The following LRRC18 variants were observed in gnomAD, a reference collection of about 807,000 sequenced individuals.
The protein encoded by LRRC18 is leucine-rich repeat-containing protein 18.
Under a neutral mutation model 11.2 loss-of-function variants are expected in LRRC18, and 12 were observed. That is an observed-to-expected ratio of 1.07 (90% CI 0.69 to 1.74). The LOEUF (loss-of-function observed/expected upper bound fraction) is 1.74, where lower values mean the gene tolerates loss of function less well. Ranked by LOEUF, LRRC18 falls within the 40% of genes most tolerant of loss-of-function variation. The pLI is 0.00. For missense variants in LRRC18, 374 were observed against 330.5 expected (o/e 1.13, Z -1.02); for synonymous variants, 155 against 130.6 (o/e 1.19, Z -1.27).
At chr10:48,939,767 C>T in the LRRC18 span, among the ~76,000 whole-genome samples, 116 of 152,314 alleles carry the variant, frequency 7.6e-4, no homozygotes, top group Middle Eastern at 3.4e-3. Flanking sequence ...TGTCCTGGAA[C>T]TGCTGGTAAT....
At chr10:48,923,947 A>C in the LRRC18 span, among the ~76,000 whole-genome samples, 1 of 152,288 alleles carries the variant, frequency 6.6e-6, no homozygotes, top group East Asian at 1.9e-4. Context: ...CCGGTTGCCC[A>C]CAGCCCACCC....
chr10:48,939,796 T>C, the LRRC18 span, among the ~76,000 whole-genome samples: 192 of 152,326 alleles, frequency 1.3e-3, no homozygotes, highest in African/African-American at 4.2e-3. Context: ...TCTCTGATGG[T>C]ACCAGAAATA....
At chr10:48,915,940 T>C (rs1318158925), upstream of LRRC18, among the ~76,000 whole-genome samples, 2 of 152,214 alleles carry the variant, frequency 1.3e-5, no homozygotes, top group Non-Finnish European at 2.9e-5. Flanking sequence ...CTGAACTGTC[T>C]ATATCATTCA....
chr10:48,933,546 A>G, the LRRC18 span, among the ~76,000 whole-genome samples: 3 of 152,224 alleles, frequency 2.0e-5, no homozygotes, highest in African/African-American at 7.2e-5. Flanking sequence ...GAGCTGAGCT[A>G]GATCCTGTGG....
chr10:48,922,195 C>T, the LRRC18 span, among the ~76,000 whole-genome samples: 2 of 152,190 alleles, frequency 1.3e-5, no homozygotes, highest in African/African-American at 4.8e-5. Flanking sequence ...GAAATTCATA[C>T]ATTTTGAATT....
chr10:48,920,491 AT>A, the LRRC18 span, among the ~76,000 whole-genome samples: 1 of 152,220 alleles, frequency 6.6e-6, no homozygotes, highest in Admixed American at 6.5e-5. Context: ...CGTTGTGCAC[AT>A]ATACCCTAAA....
At chr10:48,919,442 A>T in the LRRC18 span, among the ~76,000 whole-genome samples, 1 of 152,228 alleles carries the variant, frequency 6.6e-6, no homozygotes, top group African/African-American at 2.4e-5. Context: ...TTATTGTTAA[A>T]TTCTATCAAA....
At chr10:48,928,657 T>C in the LRRC18 span, among the ~76,000 whole-genome samples, 1 of 152,192 alleles carries the variant, frequency 6.6e-6, no homozygotes, top group Non-Finnish European at 1.5e-5. Flanking sequence ...TGGAATTCTT[T>C]CTGCACTTCA....
At position 48,912,105 on chromosome 10, in the gene LRRC18, C is replaced by T. The variant is rs184980464; in HGVS notation, c.764+1287G>A. ...CATTCTTGATCTTTTCTTTTACCCA[C>T]ATGAAGGTGTGAGAGTGTGGTACAC... On this transcript the variant is annotated intron_variant, in intron 1 of 1. Coordinates refer to ENST00000374160, the Ensembl canonical transcript of LRRC18. 7.9e-4 allele frequency among the ~76,000 whole-genome samples: 120 copies of T among 152,348 alleles called. 1 individual carries two copies. In the East Asian group the frequency reaches 0.017, roughly 21 times the overall value.
At chr10:48,939,688 G>A in the LRRC18 span, among the ~76,000 whole-genome samples, 1 of 152,190 alleles carries the variant, frequency 6.6e-6, no homozygotes, top group African/African-American at 2.4e-5. Flanking sequence ...TAAGAGTTCT[G>A]TAATCACCTT....
chr10:48,911,403 A>T (rs927824365), intron 1 of LRRC18, among the ~76,000 whole-genome samples: 1 of 152,266 alleles, frequency 6.6e-6, no homozygotes, highest in Non-Finnish European at 1.5e-5. Flanking sequence ...ACCCTTTAAC[A>T]CAATATTTCC....
chr10:48,912,340 C>T (rs1838082288), intron 1 of LRRC18, among the ~76,000 whole-genome samples: 1 of 152,222 alleles, frequency 6.6e-6, no homozygotes, highest in African/African-American at 2.4e-5. Context: ...ACTTGGAGTT[C>T]AGTGTGGCAT....
chr10:48,925,059 A>G, the LRRC18 span, among the ~76,000 whole-genome samples: 9 of 152,358 alleles, frequency 5.9e-5, no homozygotes, highest in South Asian at 1.5e-3. Context: ...AGGCAGTTTC[A>G]TGTCATGTGG....
chr10:48,934,732 G>A, the LRRC18 span, among the ~76,000 whole-genome samples: 1 of 152,238 alleles, frequency 6.6e-6, no homozygotes, highest in Non-Finnish European at 1.5e-5. Context: ...CCTGAACGAA[G>A]AAGCAGTCAC....
the LRRC18 span, among the ~76,000 whole-genome samples, chr10:48,922,266 C>A: frequency 2.6e-5 from 4 of 152,190 alleles, no homozygotes; most frequent in Non-Finnish European, 5.9e-5. Context: ...CCACCCAGAC[C>A]TTGAATCATC....
chr10:48,915,376 C>G (rs1401792161), upstream of LRRC18, among the ~76,000 whole-genome samples: 1 of 151,704 alleles, frequency 6.6e-6, no homozygotes, highest in Non-Finnish European at 1.5e-5. Flanking sequence ...TTCTGGGACC[C>G]CCTTTTCTTT....
At chr10:48,916,293 C>T (rs984133614), upstream of LRRC18, among the ~76,000 whole-genome samples, 29 of 152,228 alleles carry the variant, frequency 1.9e-4, no homozygotes, top group African/African-American at 6.3e-4. Flanking sequence ...ACAAGAGCCT[C>T]TCTTTCTGGT....
the LRRC18 span, among the ~76,000 whole-genome samples, chr10:48,926,543 C>A: frequency 6.6e-6 from 1 of 152,148 alleles, no homozygotes; most frequent in South Asian, 2.1e-4. Context: ...GTTCCACTGA[C>A]CTTTTGGAGG....
chr10:48,916,721 A>G (rs542336112), upstream of LRRC18, among the ~76,000 whole-genome samples: 2 of 152,152 alleles, frequency 1.3e-5, no homozygotes, highest in African/African-American at 4.8e-5. Context: ...TTGTATAGCA[A>G]CTCTGAACTC....
Sources: gnomAD v4.1 joint callset for allele counts (sites outside exome capture counted in the v4.1 genomes callset) on GRCh38, gnomAD v4.1.1 for gene constraint, MANE v1.5 for transcripts, NCBI Gene and HGNC (gene_info 2026-07-23, HGNC 2026-07-21) for gene names.